The following COBL variants were observed in gnomAD, a reference collection of about 807,000 sequenced individuals.
The protein encoded by COBL is protein cordon-bleu.
COBL carries 51 observed loss-of-function variants against 98.8 expected under a neutral mutation model. The observed-to-expected ratio is 0.52, with a 90% CI of 0.41 to 0.65. COBL has a LOEUF of 0.65. Among genes scored for constraint, COBL ranks in the 30% least tolerant of loss-of-function variants. The probability of loss-of-function intolerance (pLI) is 0.00; values close to 1 mark genes in which losing one functional copy is unlikely to be tolerated. For missense variants in COBL, 1,617 were observed against 1,617.5 expected (o/e 1.00, Z 0.01); for synonymous variants, 634 against 651.7 (o/e 0.97, Z 0.41).
chr7:51,118,474 G>A (rs192933196), intron 6 of COBL, among the ~76,000 whole-genome samples: 174 of 152,118 alleles, frequency 1.1e-3, no homozygotes, highest in Non-Finnish European at 2.3e-3. Flanking sequence ...GACAATCCTC[G>A]CATCCTAGGG....
At chr7:51,089,159 C>G (rs1165498450) in intron 6 of COBL, among the ~76,000 whole-genome samples, 3 of 152,128 alleles carry the variant, frequency 2.0e-5, no homozygotes, top group Non-Finnish European at 4.4e-5. Context: ...TCTGCTGGGC[C>G]TCTTTCACCC....
chr7:51,173,337 C>T (rs1435528707), intron 5 of COBL, among the ~76,000 whole-genome samples: 2 of 151,986 alleles, frequency 1.3e-5, no homozygotes, highest in Admixed American at 1.3e-4. Flanking sequence ...CATGCCACCA[C>T]ACCAGGATAA....
At chr7:51,236,753 G>A (rs980542263) in intron 1 of COBL, among the ~76,000 whole-genome samples, 10 of 152,166 alleles carry the variant, frequency 6.6e-5, no homozygotes, top group African/African-American at 2.2e-4. Context: ...GGTGCAATGC[G>A]TAGTATATAA....
chr7:51,085,011 C>A (rs1449953321), intron 7 of COBL, among the ~76,000 whole-genome samples, 155 bp downstream of exon 7: 1 of 152,180 alleles, frequency 6.6e-6, no homozygotes, highest in Admixed American at 6.5e-5. Context: ...AGTGAACTTG[C>A]AATTATTTCT....
At chr7:51,256,630 C>G (rs1488964789) in intron 1 of COBL, among the ~76,000 whole-genome samples, 1 of 152,232 alleles carries the variant, frequency 6.6e-6, no homozygotes, top group Non-Finnish European at 1.5e-5. Context: ...CAGAGCACTC[C>G]TGCAAGCGTC....
At chr7:51,073,889 C>A (rs193196044) in intron 7 of COBL, among the ~76,000 whole-genome samples, 2 of 152,134 alleles carry the variant, frequency 1.3e-5, no homozygotes, top group Admixed American at 6.5e-5. Flanking sequence ...TTAGAGAATA[C>A]TGGTTGATTT....
chr7:51,140,333 C>A (rs1457996991), intron 5 of COBL, among the ~76,000 whole-genome samples: 1 of 151,914 alleles, frequency 6.6e-6, no homozygotes, highest in African/African-American at 2.4e-5. Context: ...CCACTGATAG[C>A]CAATTAACTC....
chr7:51,236,542 T>A (rs1795275234), intron 1 of COBL, among the ~76,000 whole-genome samples: 1 of 152,114 alleles, frequency 6.6e-6, no homozygotes, highest in Non-Finnish European at 1.5e-5. Context: ...CTTACACTTT[T>A]TATTGCTTGG....
At chr7:51,107,485 T>C (rs899213435) in intron 6 of COBL, among the ~76,000 whole-genome samples, 9 of 152,252 alleles carry the variant, frequency 5.9e-5, no homozygotes, top group Non-Finnish European at 1.3e-4. Flanking sequence ...CATGGTTTCA[T>C]ATTCCCACTT....
rs78032182 is a variant in COBL at position 51,178,435 on chromosome 7, T to G, written c.783+5667A>C. ...TTTGTTTATAAGGTTTTATTAAAAT[T>G]AGGTTTATTGGTAATAATACATTAA... On this transcript the variant is annotated intron_variant, in intron 5 of 12. Transcript: ENST00000265136. Among the ~76,000 whole-genome samples, 1,097 of 152,266 alleles carry G rather than the reference T, an allele frequency of 7.2e-3. 15 individuals are homozygous for G. Among genetic ancestry groups the G allele is most frequent in the African/African-American group, 0.025 (1,046 of 41,550 alleles).
chr7:51,073,945 C>G (rs1248223114), intron 7 of COBL, among the ~76,000 whole-genome samples: 1 of 152,124 alleles, frequency 6.6e-6, no homozygotes, highest in East Asian at 1.9e-4. Flanking sequence ...GTGGAGCAAA[C>G]TCCTCTTGAG....
chr7:51,128,415 G>C (rs897866547), intron 6 of COBL, among the ~76,000 whole-genome samples: 6 of 151,814 alleles, frequency 4.0e-5, no homozygotes, highest in African/African-American at 1.5e-4. Flanking sequence ...AGAGACATTG[G>C]AAGACCAAAC....
At chr7:51,219,988 C>T (rs1793474557) in intron 1 of COBL, 44 bp from the exon 2 acceptor site, 2 of 1,557,928 alleles carry the variant, frequency 1.3e-6, no homozygotes, top group African/African-American at 1.4e-5. Flanking sequence ...TGGCAATGTT[C>T]CTACCTGCCT....
At chr7:51,061,110 G>T (rs894933476) in intron 7 of COBL, among the ~76,000 whole-genome samples, 11 of 152,202 alleles carry the variant, frequency 7.2e-5, no homozygotes, top group African/African-American at 2.7e-4. Context: ...CTTGCTGAAG[G>T]CAAGGGGAAT....
intron 5 of COBL, among the ~76,000 whole-genome samples, chr7:51,158,517 G>A (rs1361776952): frequency 6.6e-6 from 1 of 152,182 alleles, no homozygotes; most frequent in South Asian, 2.1e-4. Flanking sequence ...CCTGGAAGAG[G>A]AAGCAAAGGT....
intron 6 of COBL, among the ~76,000 whole-genome samples, chr7:51,100,515 A>G (rs1331582160): frequency 1.3e-5 from 2 of 152,224 alleles, no homozygotes; most frequent in African/African-American, 4.8e-5. Flanking sequence ...CTAAGCTCTC[A>G]CTGATGGCTG....
intron 5 of COBL, among the ~76,000 whole-genome samples, chr7:51,142,414 G>T (rs1481963370): frequency 1.9e-5 from 2 of 107,094 alleles, no homozygotes; most frequent in Admixed American, 2.5e-4. Flanking sequence ...TTTTGAGACA[G>T]AATCTGTCAC....
chr7:51,157,495 T>C (rs1288192953), intron 5 of COBL, among the ~76,000 whole-genome samples: 5 of 152,204 alleles, frequency 3.3e-5, no homozygotes, highest in Admixed American at 2.6e-4. Flanking sequence ...GTGTCTCCAG[T>C]GCCCCCTGGT....
chr7:51,030,018 T>TA (rs1182790968), intron 9 of COBL, among the ~76,000 whole-genome samples: 1 of 152,230 alleles, frequency 6.6e-6, no homozygotes, highest in African/African-American at 2.4e-5. Flanking sequence ...AGCAGATGAC[T>TA]AAATCTTGAG....
Sources: allele counts gnomAD v4.1 joint callset (sites outside exome capture counted in the v4.1 genomes callset), GRCh38; gene constraint gnomAD v4.1.1; transcripts MANE v1.5; gene names NCBI Gene and HGNC (gene_info 2026-07-23, HGNC 2026-07-21).